Variants in GALNT13 observed in about 807,000 individuals in gnomAD.
The protein encoded by GALNT13 is polypeptide N-acetylgalactosaminyltransferase 13, also known as UDP-GalNAc:polypeptide N-acetylgalactosaminyltransferase 13.
A neutral mutation model predicts 64.2 loss-of-function variants in GALNT13; 28 were observed. The observed-to-expected ratio is 0.44, with a 90% CI of 0.32 to 0.60. The LOEUF (loss-of-function observed/expected upper bound fraction) is 0.60. Ranked by LOEUF, GALNT13 falls within the 20% of genes least tolerant of loss-of-function variation. The pLI, the probability that GALNT13 is intolerant of heterozygous loss-of-function variation, is 0.05. For synonymous variants in GALNT13, 214 were observed against 224.6 expected (o/e 0.95, Z 0.42); for missense variants, 577 against 669.8 (o/e 0.86, Z 1.53).
At chr2:153,385,629 T>C in the GALNT13 span, among the ~76,000 whole-genome samples, 5 of 151,930 alleles carry the variant, frequency 3.3e-5, no homozygotes, top group African/African-American at 1.2e-4. Flanking sequence ...AAGACCTATT[T>C]GATAGAGTGA....
chr2:153,703,433 A>G, the GALNT13 span, among the ~76,000 whole-genome samples: 1 of 152,040 alleles, frequency 6.6e-6, no homozygotes, highest in African/African-American at 2.4e-5. Flanking sequence ...AACTTCGCTT[A>G]TGTAAATTTT....
At chr2:154,446,815 C>A in intron 12 of GALNT13, 1 of 1,428,822 alleles carries the variant, frequency 7.0e-7, no homozygotes, top group South Asian at 1.6e-5. Context: ...TTGTTATGTT[C>A]AGTTATTGAA....
intron 3 of GALNT13, among the ~76,000 whole-genome samples, chr2:154,077,671 C>T (rs186169840): frequency 6.6e-6 from 1 of 151,456 alleles, no homozygotes; most frequent in Admixed American, 6.6e-5. Flanking sequence ...ATGAAAAACA[C>T]ACAAGAATTT....
the GALNT13 span, among the ~76,000 whole-genome samples, chr2:153,180,431 AT>A: frequency 6.6e-6 from 1 of 152,084 alleles, no homozygotes; most frequent in African/African-American, 2.4e-5. Context: ...GTTTGCTAGT[AT>A]TTTTTTGAGT....
the GALNT13 span, among the ~76,000 whole-genome samples, chr2:153,846,414 T>C: frequency 6.6e-6 from 1 of 152,104 alleles, no homozygotes; most frequent in Non-Finnish European, 1.5e-5. Context: ...CACTAAGAAA[T>C]ATTGAGCACA....
the GALNT13 span, among the ~76,000 whole-genome samples, chr2:153,523,072 T>C: frequency 7.3e-6 from 1 of 137,554 alleles, no homozygotes; most frequent in South Asian, 2.3e-4. Context: ...TTTTTGCATG[T>C]GGGTGTCCAG....
Position 154,181,514 on chromosome 2 carries a change from A to C in GALNT13, c.311+41009A>C, listed in dbSNP as rs1685957379. 2.0e-5 allele frequency among the ~76,000 whole-genome samples: 3 copies of C among 152,108 alleles called. No homozygotes were observed. In the South Asian group the frequency reaches 6.2e-4, roughly 31 times the overall value. ...GAGTATGTATTTTCCCCAAAGGAAT[A>C]ATTTAAAGTTGAAATGAAACAATGC... On this transcript the variant is annotated intron_variant, in intron 4 of 12. Transcript: ENST00000392825.
At chr2:153,822,280 A>G in the GALNT13 span, among the ~76,000 whole-genome samples, 1 of 152,138 alleles carries the variant, frequency 6.6e-6, no homozygotes, top group Non-Finnish European at 1.5e-5. Flanking sequence ...AGACACAACA[A>G]TAGAAAAAAA....
At chr2:153,820,505 C>A in the GALNT13 span, among the ~76,000 whole-genome samples, 2 of 152,094 alleles carry the variant, frequency 1.3e-5, no homozygotes, top group Non-Finnish European at 2.9e-5. Flanking sequence ...ACAAAGGGAA[C>A]ACCATTAGAC....
chr2:154,219,646 A>G (rs529177429), intron 4 of GALNT13, among the ~76,000 whole-genome samples: 1 of 152,168 alleles, frequency 6.6e-6, no homozygotes, highest in East Asian at 1.9e-4. Context: ...TACCAACCCA[A>G]TCCTGCTCCA....
chr2:153,090,846 T>C, the GALNT13 span, among the ~76,000 whole-genome samples: 1 of 151,338 alleles, frequency 6.6e-6, no homozygotes, highest in Non-Finnish European at 1.5e-5. Flanking sequence ...GTTAGTTCCG[T>C]AGGAGACCTT....
rs375723137 is a variant in GALNT13 at position 154,246,940 on chromosome 2, A to G, written c.857+958A>G. 8.8e-4 allele frequency among the ~76,000 whole-genome samples: 134 copies of G among 152,200 alleles called. 3 individuals carry two copies. In the East Asian group the frequency reaches 0.02, roughly 22 times the overall value. On this transcript the variant is annotated intron_variant, in intron 7 of 12. Transcript: ENST00000392825. ...CTTAAAGTTGCAACAACATTAAGTG[A>G]AGACTTACTGTATGTAAAATCCATG...
At chr2:153,553,082 G>C in the GALNT13 span, among the ~76,000 whole-genome samples, 1 of 152,158 alleles carries the variant, frequency 6.6e-6, no homozygotes, top group Non-Finnish European at 1.5e-5. Flanking sequence ...AATAATTGTT[G>C]AACTGGAGTT....
At chr2:153,536,780 A>C in the GALNT13 span, among the ~76,000 whole-genome samples, 1 of 152,232 alleles carries the variant, frequency 6.6e-6, no homozygotes, top group African/African-American at 2.4e-5. Flanking sequence ...ATTTTAAAAT[A>C]GTGTGCTAAA....
chr2:153,690,293 T>C, the GALNT13 span, among the ~76,000 whole-genome samples: 2 of 152,190 alleles, frequency 1.3e-5, no homozygotes. Flanking sequence ...AAGTGCTGGA[T>C]ATTGTTTTGA....
At chr2:154,210,712 G>A (rs764763862) in intron 4 of GALNT13, among the ~76,000 whole-genome samples, 6 of 152,120 alleles carry the variant, frequency 3.9e-5, no homozygotes, top group Non-Finnish European at 8.8e-5. Flanking sequence ...ATTTTGAAGG[G>A]GTTTGGAAAA....
At chr2:153,248,105 A>G in the GALNT13 span, among the ~76,000 whole-genome samples, 14 of 152,266 alleles carry the variant, frequency 9.2e-5, no homozygotes, top group East Asian at 2.1e-3. Context: ...AGAATGAGAC[A>G]GATTCACAGC....
At chr2:153,138,303 C>T in the GALNT13 span, among the ~76,000 whole-genome samples, 1 of 152,118 alleles carries the variant, frequency 6.6e-6, no homozygotes, top group South Asian at 2.1e-4. Flanking sequence ...CCATTTTTAG[C>T]TCTTTCACTG....
At chr2:153,154,647 G>T in the GALNT13 span, among the ~76,000 whole-genome samples, 3 of 152,094 alleles carry the variant, frequency 2.0e-5, no homozygotes, top group African/African-American at 7.2e-5. Context: ...GGCCGAGAAT[G>T]GGGTTTTCTA....
Sources: allele counts gnomAD v4.1 joint callset (sites outside exome capture counted in the v4.1 genomes callset), GRCh38; gene constraint gnomAD v4.1.1; transcripts MANE v1.5; gene names NCBI Gene and HGNC (gene_info 2026-07-23, HGNC 2026-07-21).